NRCAM: variants seen among roughly 807,000 people sequenced by gnomAD.
NRCAM encodes the protein NgCAM-related cell adhesion molecule.
NRCAM carries 83 observed loss-of-function variants against 156.5 expected under a neutral mutation model. The ratio of observed to expected loss-of-function variants is 0.53; its 90% CI spans 0.44 to 0.64. The LOEUF (loss-of-function observed/expected upper bound fraction) is 0.64, where lower values mean the gene tolerates loss of function less well. Among genes scored for constraint, NRCAM ranks in the 30% least tolerant of loss-of-function variants. NRCAM has a pLI of 0.00. For synonymous variants in NRCAM, 538 were observed against 563.9 expected (o/e 0.95, Z 0.65); for missense variants, 1,417 against 1,597.3 (o/e 0.89, Z 1.92).
At chr7:108,376,548 G>A (rs996865137) in intron 2 of NRCAM, among the ~76,000 whole-genome samples, 2 of 152,140 alleles carry the variant, frequency 1.3e-5, no homozygotes, top group African/African-American at 4.8e-5. Flanking sequence ...AGAGGTTCCT[G>A]TTCTCATGTT....
chr7:108,415,222 C>A (rs1800069656), intron 1 of NRCAM, among the ~76,000 whole-genome samples: 3 of 152,152 alleles, frequency 2.0e-5, no homozygotes, highest in African/African-American at 7.2e-5. Context: ...AACAGGGGTA[C>A]CTTTCCTTGG....
At chr7:108,182,669 G>T in intron 23 of NRCAM, 26 bp downstream of exon 23, 1 of 1,602,376 alleles carries the variant, frequency 6.2e-7, no homozygotes, top group Non-Finnish European at 8.5e-7. Context: ...TTTTGCTGGG[G>T]AAAAGTAGGA....
rs2092879064 is a variant in NRCAM, at chr7:108,223,712, A to G, written c.890+13T>C. 1 of 1,286,938 alleles carries G rather than the reference A, an allele frequency of 7.8e-7. No homozygotes were observed. The highest frequency in any genetic ancestry group is 1.1e-6 in the Non-Finnish European group (1 of 884,968). The allele number at this position is 1,286,938 out of a possible 1,614,324, so 79.7% of individuals were successfully genotyped here. A position where few individuals can be genotyped will look rare whatever the true frequency, so the allele number is the denominator to read the frequency against. Reference sequence around the variant, plus strand: ...ATAAGAAATGTACTTCAGGACAGAAAGTGTTAACTCACAGTCCTTCTGCAA... The same window carrying G: ...ATAAGAAATGTACTTCAGGACAGAAGGTGTTAACTCACAGTCCTTCTGCAA... On this transcript the variant is annotated intron_variant, in intron 11 of 32. Transcript: ENST00000379028.
At chr7:108,237,854 G>T in intron 4 of NRCAM, 85 bp from the exon 5 acceptor site, 1 of 955,062 alleles carries the variant, frequency 1.0e-6, no homozygotes, top group Non-Finnish European at 1.5e-6. Context: ...TTAGAACTCT[G>T]AAGATAAAGG....
At chr7:108,326,910 T>C (rs1213620685) in intron 2 of NRCAM, among the ~76,000 whole-genome samples, 1 of 152,200 alleles carries the variant, frequency 6.6e-6, no homozygotes, top group Non-Finnish European at 1.5e-5. Flanking sequence ...GAGGCAATCA[T>C]GAAACCCATG....
At chr7:108,189,325 A>G (rs77351315) in intron 20 of NRCAM, among the ~76,000 whole-genome samples, 4,113 of 152,312 alleles carry the variant, frequency 0.027, 182 homozygotes, top group African/African-American at 0.093. Context: ...AGAAATGGGC[A>G]AAATAAACAA....
chr7:108,430,213 TA>T (rs1375770866), intron 1 of NRCAM, among the ~76,000 whole-genome samples: 1 of 150,572 alleles, frequency 6.6e-6, no homozygotes, highest in African/African-American at 2.5e-5. Context: ...GGGTTGGTAT[TA>T]AAGTTATTTA....
intron 2 of NRCAM, among the ~76,000 whole-genome samples, chr7:108,318,501 A>T: frequency 6.6e-6 from 1 of 152,198 alleles, no homozygotes; most frequent in African/African-American, 2.4e-5. Flanking sequence ...CCTTTCTCAA[A>T]GTAATATCAG....
At chr7:108,225,845 GACTA>G (rs1240550137) in intron 9 of NRCAM, 144 bp from the exon 10 acceptor site, 1 of 691,204 alleles carries the variant, frequency 1.4e-6, no homozygotes, top group Non-Finnish European at 2.6e-6. Flanking sequence ...CATTGTACAT[GACTA>G]ACTCATTAAT....
At chr7:108,255,435 C>T (rs1209395428) in intron 3 of NRCAM, among the ~76,000 whole-genome samples, 2 of 152,098 alleles carry the variant, frequency 1.3e-5, no homozygotes, top group South Asian at 4.1e-4. Context: ...CCCGAGGTGC[C>T]GGGATTGCAG....
At chr7:108,312,469 A>G (rs2098815515) in intron 3 of NRCAM, among the ~76,000 whole-genome samples, 196 bp downstream of exon 3, 1 of 152,094 alleles carries the variant, frequency 6.6e-6, no homozygotes, top group Non-Finnish European at 1.5e-5. Context: ...TTACTTCCCT[A>G]TGTATTTGAT....
chr7:108,380,075 A>G (rs1034217581), intron 2 of NRCAM, among the ~76,000 whole-genome samples: 2 of 152,330 alleles, frequency 1.3e-5, no homozygotes, highest in Non-Finnish European at 2.9e-5. Flanking sequence ...ACAGACTTCT[A>G]AAGATAAGAT....
intron 13 of NRCAM, 113 bp downstream of exon 13, chr7:108,207,415 C>CATGTG (rs1318285157): frequency 3.6e-5 from 37 of 1,032,404 alleles, no homozygotes; most frequent in Admixed American, 7.3e-5. Flanking sequence ...GTTTAACATA[C>CATGTG]ATGTGGCTTC....
intron 30 of NRCAM, among the ~76,000 whole-genome samples, chr7:108,165,176 C>T (rs2053126107): frequency 1.3e-5 from 2 of 152,130 alleles, no homozygotes; most frequent in African/African-American, 2.4e-5. Context: ...AAGTGTTGAC[C>T]GAAGCTGCCC....
intron 1 of NRCAM, among the ~76,000 whole-genome samples, chr7:108,402,950 T>C (rs1000165368): frequency 1.3e-4 from 20 of 152,102 alleles, no homozygotes; most frequent in Non-Finnish European, 1.0e-4. Context: ...AGAAAGACCA[T>C]ACGAGAGAGC....
intron 1 of NRCAM, among the ~76,000 whole-genome samples, chr7:108,412,809 T>C (rs1323477911): frequency 6.6e-6 from 1 of 152,232 alleles, no homozygotes; most frequent in African/African-American, 2.4e-5. Context: ...TTTGTCTTTC[T>C]GTGCCTGGCT....
intron 28 of NRCAM, among the ~76,000 whole-genome samples, chr7:108,175,006 T>C (rs1307147792): frequency 1.3e-5 from 2 of 152,242 alleles, no homozygotes; most frequent in Admixed American, 1.3e-4. Context: ...TAATGTGGCA[T>C]GGCCATATAG....
At chr7:108,325,505 T>C (rs1289371909) in intron 2 of NRCAM, among the ~76,000 whole-genome samples, 3 of 152,112 alleles carry the variant, frequency 2.0e-5, no homozygotes, top group Non-Finnish European at 4.4e-5. Context: ...CTACGTTGCT[T>C]TCCCCCTCAT....
At chr7:108,373,368 A>G (rs1183098617) in intron 2 of NRCAM, among the ~76,000 whole-genome samples, 2 of 152,180 alleles carry the variant, frequency 1.3e-5, no homozygotes, top group Non-Finnish European at 2.9e-5. Context: ...AATAAGAGAG[A>G]TACACATTTT....
Sources: gnomAD v4.1 joint callset for allele counts (sites outside exome capture counted in the v4.1 genomes callset) on GRCh38, gnomAD v4.1.1 for gene constraint, MANE v1.5 for transcripts, NCBI Gene and HGNC (gene_info 2026-07-23, HGNC 2026-07-21) for gene names.